SH3RF3: variants seen among roughly 807,000 people sequenced by gnomAD.
SH3RF3 encodes E3 ubiquitin-protein ligase SH3RF3.
Under a neutral mutation model 66.3 loss-of-function variants are expected in SH3RF3, and 29 were observed. That is an observed-to-expected ratio of 0.44 (90% CI 0.33 to 0.60). The LOEUF (loss-of-function observed/expected upper bound fraction) is 0.60. SH3RF3 is among the 20% of genes least tolerant of loss of function. The pLI, the probability that SH3RF3 is intolerant of heterozygous loss-of-function variation, is 0.04. For synonymous variants in SH3RF3, 583 were observed against 532.0 expected, an observed-to-expected ratio of 1.10 and a Z score of -1.32; for missense variants, 1,194 against 1,190.9, an observed-to-expected ratio of 1.00 and a Z score of -0.04.
intron 1 of SH3RF3, among the ~76,000 whole-genome samples, chr2:109,174,265 G>T (rs939927214): frequency 6.6e-6 from 1 of 152,252 alleles, no homozygotes; most frequent in African/African-American, 2.4e-5. Context: ...GGAAACACAG[G>T]CAGAGAGAAG....
At chr2:109,216,068 C>T (rs550923620) in intron 1 of SH3RF3, among the ~76,000 whole-genome samples, 1 of 152,282 alleles carries the variant, frequency 6.6e-6, no homozygotes, top group African/African-American at 2.4e-5. Flanking sequence ...GCCAAGCAGT[C>T]AGTCTGAAGA....
chr2:109,365,633 C>T (rs1683139799), intron 2 of SH3RF3, among the ~76,000 whole-genome samples: 1 of 152,116 alleles, frequency 6.6e-6, no homozygotes, highest in Non-Finnish European at 1.5e-5. Context: ...CTTTAACAAC[C>T]AACTCCTAAT....
At chr2:109,297,925 G>C (rs1681358689) in intron 1 of SH3RF3, among the ~76,000 whole-genome samples, 1 of 151,568 alleles carries the variant, frequency 6.6e-6, no homozygotes, top group Non-Finnish European at 1.5e-5. Context: ...CCACCCAGAT[G>C]TGTGTTCCCC....
chr2:109,278,316 G>T (rs1680806749), intron 1 of SH3RF3, among the ~76,000 whole-genome samples: 1 of 152,234 alleles, frequency 6.6e-6, no homozygotes. Context: ...ACACATAGCA[G>T]CAGGCTGGTG....
intron 4 of SH3RF3, among the ~76,000 whole-genome samples, 169 bp from the exon 5 acceptor site, chr2:109,419,370 G>C (rs1371592558): frequency 6.6e-6 from 1 of 152,206 alleles, no homozygotes; most frequent in Non-Finnish European, 1.5e-5. Context: ...GTCCCGGGCT[G>C]CCAGGCTCCC....
chr2:109,492,528 C>T (rs1244966730), intron 9 of SH3RF3, among the ~76,000 whole-genome samples: 1 of 152,218 alleles, frequency 6.6e-6, no homozygotes, highest in Non-Finnish European at 1.5e-5. Flanking sequence ...ATGCCCAGGA[C>T]AGCCAGGCCC....
intron 4 of SH3RF3, among the ~76,000 whole-genome samples, chr2:109,406,816 TG>T (rs1251180453): frequency 2.0e-5 from 3 of 152,150 alleles, no homozygotes; most frequent in African/African-American, 7.2e-5. Flanking sequence ...AGAGGCTACA[TG>T]GAAGCCTCTG....
At chr2:109,388,855 G>T (rs942474736) in intron 3 of SH3RF3, among the ~76,000 whole-genome samples, 1 of 152,094 alleles carries the variant, frequency 6.6e-6, no homozygotes, top group East Asian at 1.9e-4. Context: ...GGGGTATAGA[G>T]ACGGGAGGGA....
chr2:109,247,200 C>G (rs1679937642), intron 1 of SH3RF3, among the ~76,000 whole-genome samples: 1 of 152,148 alleles, frequency 6.6e-6, no homozygotes, highest in South Asian at 2.1e-4. Context: ...TAAGGGAGAA[C>G]AGAATGAAGT....
intron 1 of SH3RF3, among the ~76,000 whole-genome samples, chr2:109,217,087 T>A (rs1319643447): frequency 1.3e-5 from 2 of 152,236 alleles, no homozygotes; most frequent in East Asian, 1.9e-4. Context: ...GGCTCATTCA[T>A]GCTGCAGTGT....
chr2:109,222,322 A>T (rs906865617), intron 1 of SH3RF3, among the ~76,000 whole-genome samples: 3 of 152,234 alleles, frequency 2.0e-5, no homozygotes, highest in Non-Finnish European at 4.4e-5. Context: ...TGTATATTTT[A>T]CAATAGCTAA....
At chr2:109,247,945 G>T (rs1329540593) in intron 1 of SH3RF3, among the ~76,000 whole-genome samples, 1 of 152,140 alleles carries the variant, frequency 6.6e-6, no homozygotes, top group Admixed American at 6.6e-5. Flanking sequence ...ACTCCAACGT[G>T]CAAGCGCTTT....
chr2:109,419,301 C>G (rs1178960721), intron 4 of SH3RF3, among the ~76,000 whole-genome samples: 2 of 152,144 alleles, frequency 1.3e-5, no homozygotes, highest in Admixed American at 1.3e-4. Context: ...TAGATGCAGG[C>G]CGTAGAAGGC....
At chr2:109,289,345 T>C (rs1681110922) in intron 1 of SH3RF3, among the ~76,000 whole-genome samples, 1 of 152,076 alleles carries the variant, frequency 6.6e-6, no homozygotes, top group Admixed American at 6.5e-5. Context: ...ACAAAGGTCT[T>C]AGAAACAACC....
At chr2:109,352,244 G>A (rs759638683) in intron 2 of SH3RF3, among the ~76,000 whole-genome samples, 4 of 152,162 alleles carry the variant, frequency 2.6e-5, no homozygotes, top group East Asian at 1.9e-4. Context: ...TTGCACTTCC[G>A]TCAGATGGTA....
intron 1 of SH3RF3, among the ~76,000 whole-genome samples, chr2:109,208,567 G>A (rs569508393): frequency 1.2e-4 from 19 of 152,364 alleles, no homozygotes; most frequent in Middle Eastern, 3.4e-3. Flanking sequence ...CCCACCTGCA[G>A]CAGAGCTGTT....
At chr2:109,330,236 G>A (rs1357254476) in intron 1 of SH3RF3, among the ~76,000 whole-genome samples, 1 of 152,214 alleles carries the variant, frequency 6.6e-6, no homozygotes, top group Non-Finnish European at 1.5e-5. Flanking sequence ...AACTCTGTGG[G>A]TTGCAGAAAG....
At chr2:109,234,124 G>T (rs1201054910) in intron 1 of SH3RF3, among the ~76,000 whole-genome samples, 1 of 152,130 alleles carries the variant, frequency 6.6e-6, no homozygotes, top group Non-Finnish European at 1.5e-5. Context: ...TTTCCTTATA[G>T]GAAATGCCAG....
intron 1 of SH3RF3, among the ~76,000 whole-genome samples, chr2:109,341,395 TGA>T (rs1434859772): frequency 6.6e-6 from 1 of 152,204 alleles, no homozygotes; most frequent in Non-Finnish European, 1.5e-5. Flanking sequence ...TTTCTAAATC[TGA>T]GAGTCTCTGA....
Sources: gnomAD v4.1 joint callset for allele counts (sites outside exome capture counted in the v4.1 genomes callset) on GRCh38, gnomAD v4.1.1 for gene constraint, MANE v1.5 for transcripts, NCBI Gene and HGNC (gene_info 2026-07-23, HGNC 2026-07-21) for gene names.